Variants in GRIP1 observed in about 807,000 individuals in gnomAD.
GRIP1 encodes the protein glutamate receptor interacting protein 1, also known as glutamate receptor-interacting protein 1.
Under a neutral mutation model 129.9 loss-of-function variants are expected in GRIP1, and 45 were observed. That is an observed-to-expected ratio of 0.35 (90% confidence interval 0.27 to 0.44). The LOEUF (loss-of-function observed/expected upper bound fraction) is 0.44. GRIP1 is among the 20% of genes least tolerant of loss of function. GRIP1 has a pLI of 1.00. For synonymous variants in GRIP1, 530 were observed against 520.8 expected, an observed-to-expected ratio of 1.02 and a Z score of -0.24; for missense variants, 1,196 against 1,396.8, an observed-to-expected ratio of 0.86 and a Z score of 2.29.
chr12:66,435,712 A>C (rs552106228), intron 13 of GRIP1, among the ~76,000 whole-genome samples: 7 of 152,282 alleles, frequency 4.6e-5, no homozygotes, highest in Admixed American at 1.3e-4. Flanking sequence ...TGCTTTTATA[A>C]ATTTTTAATC....
At chr12:66,847,909 G>C (rs967519938) in intron 1 of GRIP1, among the ~76,000 whole-genome samples, 2 of 152,036 alleles carry the variant, frequency 1.3e-5, no homozygotes, top group Non-Finnish European at 2.9e-5. Context: ...CTTTTTGTTG[G>C]CACATTATCA....
chr12:66,666,265 CAGG>C (rs1234160279), intron 1 of GRIP1, among the ~76,000 whole-genome samples: 1 of 152,036 alleles, frequency 6.6e-6, no homozygotes, highest in East Asian at 1.9e-4. Context: ...ATCCCTAAAG[CAGG>C]AGATGCATTC....
At chr12:66,436,984 A>G (rs2058328395) in intron 13 of GRIP1, among the ~76,000 whole-genome samples, 1 of 151,714 alleles carries the variant, frequency 6.6e-6, no homozygotes, top group African/African-American at 2.4e-5. Context: ...CAAAAAAAAA[A>G]AAAAAAAAAA....
At chr12:66,496,293 C>T (rs1037823041) in intron 7 of GRIP1, among the ~76,000 whole-genome samples, 1 of 152,078 alleles carries the variant, frequency 6.6e-6, no homozygotes, top group Non-Finnish European at 1.5e-5. Context: ...AGGAGCTGGA[C>T]CACGAATATG....
intron 7 of GRIP1, among the ~76,000 whole-genome samples, chr12:66,467,051 AG>A (rs1339502091): frequency 6.6e-6 from 1 of 152,212 alleles, no homozygotes; most frequent in African/African-American, 2.4e-5. Flanking sequence ...TCCAGTGCTA[AG>A]GATTCTTGTA....
intron 1 of GRIP1, among the ~76,000 whole-genome samples, chr12:66,874,818 G>C (rs1330657570): frequency 6.6e-6 from 1 of 151,912 alleles, no homozygotes; most frequent in Admixed American, 6.6e-5. Flanking sequence ...GGGGATTACT[G>C]TTCCCCAGTG....
intron 1 of GRIP1, among the ~76,000 whole-genome samples, chr12:66,892,941 A>G (rs1489879820): frequency 6.6e-6 from 1 of 152,174 alleles, no homozygotes; most frequent in Admixed American, 6.5e-5. Flanking sequence ...AGTCCAGCCT[A>G]GGTGATAGAG....
intron 1 of GRIP1, among the ~76,000 whole-genome samples, chr12:67,020,574 T>G (rs1369788489): frequency 6.6e-6 from 1 of 151,998 alleles, no homozygotes; most frequent in African/African-American, 2.4e-5. Context: ...GGCAAATTTT[T>G]TAAAATGTTT....
chr12:66,549,902 G>C (rs998328392), intron 2 of GRIP1, among the ~76,000 whole-genome samples: 6 of 152,066 alleles, frequency 3.9e-5, no homozygotes, highest in Non-Finnish European at 7.4e-5. Context: ...CAAAGAAAGG[G>C]GATATACAAA....
chr12:66,904,416 C>G (rs1173062980), intron 1 of GRIP1, among the ~76,000 whole-genome samples: 1 of 152,114 alleles, frequency 6.6e-6, no homozygotes, highest in Non-Finnish European at 1.5e-5. Context: ...ATCAATTGAT[C>G]TGAGAGTTGG....
chr12:66,785,091 T>C (rs531643793), intron 1 of GRIP1, among the ~76,000 whole-genome samples: 15 of 151,974 alleles, frequency 9.9e-5, no homozygotes, highest in Admixed American at 9.2e-4. Flanking sequence ...TAGGTCACCA[T>C]AGGCCTTGAA....
chr12:67,030,308 C>CATAGGGAAATAT (rs2043004123), intron 1 of GRIP1, among the ~76,000 whole-genome samples: 1 of 151,386 alleles, frequency 6.6e-6, no homozygotes, highest in African/African-American at 2.4e-5. Context: ...AAATTATTGC[C>CATAGGGAAATAT]ATAGGGAAAT....
chr12:66,404,805 G>A (rs2057132857), intron 16 of GRIP1, among the ~76,000 whole-genome samples: 1 of 152,156 alleles, frequency 6.6e-6, no homozygotes, highest in African/African-American at 2.4e-5. Flanking sequence ...GCCGAGGTGG[G>A]CAGATCACTT....
At chr12:66,732,949 G>A (rs1253476731) in intron 1 of GRIP1, among the ~76,000 whole-genome samples, 2 of 152,124 alleles carry the variant, frequency 1.3e-5, no homozygotes, top group Non-Finnish European at 2.9e-5. Context: ...GATTGTGCTA[G>A]GCCCAAATTT....
At chr12:66,623,859 G>A (rs1015869349) in intron 1 of GRIP1, among the ~76,000 whole-genome samples, 1 of 152,058 alleles carries the variant, frequency 6.6e-6, no homozygotes, top group Non-Finnish European at 1.5e-5. Context: ...ATTTTAGCTG[G>A]TCGTAGCTCC....
chr12:66,402,349 C>A (rs1340899645), intron 16 of GRIP1, among the ~76,000 whole-genome samples: 4 of 152,158 alleles, frequency 2.6e-5, no homozygotes, highest in Admixed American at 2.0e-4. Flanking sequence ...AACTGGTAGT[C>A]CATGGCACAT....
At chr12:66,934,283 C>A (rs1592362841) in intron 1 of GRIP1, among the ~76,000 whole-genome samples, 1 of 152,166 alleles carries the variant, frequency 6.6e-6, no homozygotes, top group Admixed American at 6.5e-5. Context: ...TTTCATTATG[C>A]CCTTGCCCGG....
chr12:66,599,426 T>C (rs1420903226), intron 1 of GRIP1, among the ~76,000 whole-genome samples: 1 of 152,222 alleles, frequency 6.6e-6, no homozygotes, highest in Non-Finnish European at 1.5e-5. Flanking sequence ...TGGCACAATG[T>C]AACACTTGGT....
At chr12:66,534,249 T>A (rs1196992762) in intron 4 of GRIP1, among the ~76,000 whole-genome samples, 4 of 152,202 alleles carry the variant, frequency 2.6e-5, no homozygotes, top group African/African-American at 4.8e-5. Context: ...AGCTTTATTG[T>A]ATGACAGGGA....
Sources: allele counts gnomAD v4.1 joint callset (sites outside exome capture counted in the v4.1 genomes callset), GRCh38; gene constraint gnomAD v4.1.1; transcripts MANE v1.5; gene names NCBI Gene and HGNC (gene_info 2026-07-23, HGNC 2026-07-21).